The following CDH18 variants were observed in gnomAD, a reference collection of about 807,000 sequenced individuals.
The protein encoded by CDH18 is cadherin-18.
In CDH18, 31 loss-of-function variants were observed where a neutral mutation model predicts 67.9. The ratio of observed to expected loss-of-function variants is 0.46; its 90% CI spans 0.34 to 0.62. The LOEUF (loss-of-function observed/expected upper bound fraction) is 0.62. CDH18 is among the 20% of genes least tolerant of loss of function. The probability of loss-of-function intolerance (pLI) is 0.01; values close to 1 mark genes in which losing one functional copy is unlikely to be tolerated. For synonymous variants in CDH18, 362 were observed against 347.2 expected, an observed-to-expected ratio of 1.04 and a Z score of -0.48; for missense variants, 890 against 975.5, an observed-to-expected ratio of 0.91 and a Z score of 1.17.
At chr5:19,577,131 C>T (rs1742444936) in intron 7 of CDH18, among the ~76,000 whole-genome samples, 1 of 151,978 alleles carries the variant, frequency 6.6e-6, no homozygotes, top group African/African-American at 2.4e-5. Context: ...TTAATGGGTA[C>T]AATGTTACAG....
intron 5 of CDH18, among the ~76,000 whole-genome samples, chr5:19,650,100 A>G (rs1755361113): frequency 6.6e-6 from 1 of 152,064 alleles, no homozygotes; most frequent in Non-Finnish European, 1.5e-5. Flanking sequence ...AATTTTCAAT[A>G]CTTACTGTAC....
chr5:20,039,135 A>T (rs2150468263), intron 2 of CDH18, among the ~76,000 whole-genome samples: 1 of 152,282 alleles, frequency 6.6e-6, no homozygotes, highest in South Asian at 2.1e-4. Context: ...TACAACTTAC[A>T]AGGGATGTGA....
intron 1 of CDH18, among the ~76,000 whole-genome samples, chr5:20,480,417 T>C (rs1752711803): frequency 6.6e-6 from 1 of 152,066 alleles, no homozygotes; most frequent in African/African-American, 2.4e-5. Flanking sequence ...TAGAGTCTTT[T>C]TGTTTTTGTT....
intron 1 of CDH18, chr5:20,304,403 G>A: frequency 7.1e-7 from 1 of 1,410,388 alleles, no homozygotes. Context: ...TTTTACTTCA[G>A]TAACTACTAC....
intron 5 of CDH18, among the ~76,000 whole-genome samples, chr5:19,630,669 G>A (rs962406378): frequency 2.6e-5 from 4 of 152,136 alleles, no homozygotes; most frequent in African/African-American, 9.7e-5. Flanking sequence ...GGAAGTAATA[G>A]AAGTAGGCAC....
chr5:19,524,342 C>T (rs1192255071), intron 9 of CDH18, among the ~76,000 whole-genome samples: 1 of 149,424 alleles, frequency 6.7e-6, no homozygotes, highest in East Asian at 2.0e-4. Context: ...TGAATATATA[C>T]ATTAAATTAA....
rs73058740 is a variant in CDH18 at position 20,403,557 on chromosome 5, G to T, written c.-579-148052C>A. Among the ~76,000 whole-genome samples the T allele has an allele frequency of 3.8e-3, 581 of 152,262 alleles. 2 individuals are homozygous for T. The highest frequency in any genetic ancestry group is 0.013 in the African/African-American group (546 of 41,554). ...CAGTCAGGGTTTTGGGGGTTTATCAGGTGTATTGTCACTGAGAAGTAATAT... is the reference window on the plus strand; with the variant it reads ...CAGTCAGGGTTTTGGGGGTTTATCATGTGTATTGTCACTGAGAAGTAATAT... On this transcript the variant is annotated intron_variant, in intron 1 of 14. Coordinates refer to the CDH18 transcript ENST00000507958.
Position 19,866,706 on chromosome 5 carries a change from T to A in CDH18, c.-256-27464A>T, listed in dbSNP as rs148649500. On this transcript the variant is annotated intron_variant, in intron 2 of 12. Coordinates refer to ENST00000382275, the MANE Select transcript of CDH18 (RefSeq NM_004934.5). The stretch of plus-strand genomic sequence containing the variant: ...TATCAACCTGGCACAATGATTAATA[T>A]CTCCTCTTTCCGCTCTTGAAAGTAA... 5.1e-3 allele frequency among the ~76,000 whole-genome samples: 771 copies of A among 152,194 alleles called. 3 individuals carry two copies. The highest frequency in any genetic ancestry group is 8.0e-3 in the Non-Finnish European group (543 of 68,010).
intron 2 of CDH18, among the ~76,000 whole-genome samples, chr5:19,926,670 TTTTGA>T (rs1793127235): frequency 6.6e-6 from 1 of 152,226 alleles, no homozygotes; most frequent in Admixed American, 6.5e-5. Flanking sequence ...GATTTCATTG[TTTTGA>T]TTTATTTTCC....
chr5:20,508,372 T>G (rs1754795506), intron 1 of CDH18, among the ~76,000 whole-genome samples: 2 of 144,746 alleles, frequency 1.4e-5, no homozygotes, highest in African/African-American at 5.0e-5. Context: ...TATATGTATA[T>G]TTATTTGGAA....
intron 7 of CDH18, among the ~76,000 whole-genome samples, chr5:19,572,073 A>T (rs1201772952): frequency 6.6e-6 from 1 of 152,178 alleles, no homozygotes; most frequent in African/African-American, 2.4e-5. Flanking sequence ...TGTTATGGAC[A>T]TCAATAGGAG....
chr5:19,754,131 C>T (rs1014596674), intron 3 of CDH18, among the ~76,000 whole-genome samples: 4 of 151,972 alleles, frequency 2.6e-5, no homozygotes, highest in Non-Finnish European at 4.4e-5. Flanking sequence ...ACACAGGCAA[C>T]ATTATGAATG....
At chr5:20,269,529 A>G (rs1469020235) in intron 1 of CDH18, among the ~76,000 whole-genome samples, 1 of 152,180 alleles carries the variant, frequency 6.6e-6, no homozygotes, top group Non-Finnish European at 1.5e-5. Context: ...ACAATGGGAT[A>G]CTATTCAGCA....
intron 1 of CDH18, among the ~76,000 whole-genome samples, chr5:20,549,552 A>T (rs1757523067): frequency 6.6e-6 from 1 of 152,194 alleles, no homozygotes; most frequent in Non-Finnish European, 1.5e-5. Flanking sequence ...TTTAAAATTA[A>T]GGAGTTTGGA....
In CDH18 at chr5:19,666,623, T is replaced by C. The variant is rs571810008; in HGVS notation, c.644-54022A>G. 6.3e-4 allele frequency among the ~76,000 whole-genome samples: 96 copies of C among 152,166 alleles called. 2 individuals carry two copies. The South Asian group carries it at 0.019, about 30-fold the overall frequency. On this transcript the variant is annotated intron_variant, in intron 5 of 12. Coordinates refer to ENST00000382275, the MANE Select transcript of CDH18 (RefSeq NM_004934.5). ...TAAAAATTTTAAGATAGTTGTTTTA[T>C]AAGTAGACAGAAACAGCACTATGTC...
chr5:19,508,282 A>G (rs536264372), intron 10 of CDH18, among the ~76,000 whole-genome samples: 1 of 152,220 alleles, frequency 6.6e-6, no homozygotes, highest in East Asian at 1.9e-4. Context: ...GAAGTTATAA[A>G]CTTCTGGCAG....
At chr5:20,286,265 T>C (rs1746686809) in intron 1 of CDH18, among the ~76,000 whole-genome samples, 1 of 151,626 alleles carries the variant, frequency 6.6e-6, no homozygotes, top group African/African-American at 2.4e-5. Flanking sequence ...AATGGAGACA[T>C]TTAAGATTAA....
intron 2 of CDH18, among the ~76,000 whole-genome samples, chr5:20,218,586 G>A (rs1740968136): frequency 6.6e-6 from 1 of 152,020 alleles, no homozygotes; most frequent in South Asian, 2.1e-4. Context: ...TAATTCCCAT[G>A]TGTTGTGGGA....
chr5:19,907,410 T>C (rs932616303), intron 2 of CDH18, among the ~76,000 whole-genome samples: 1 of 152,018 alleles, frequency 6.6e-6, no homozygotes, highest in African/African-American at 2.4e-5. Context: ...AATTCATTTA[T>C]GTTTTCTATA....
Sources: allele counts gnomAD v4.1 joint callset (sites outside exome capture counted in the v4.1 genomes callset), GRCh38; gene constraint gnomAD v4.1.1; transcripts MANE v1.5; gene names NCBI Gene and HGNC (gene_info 2026-07-23, HGNC 2026-07-21).